NAV2: variants seen among roughly 807,000 people sequenced by gnomAD.
NAV2 encodes the protein helicase, APC down-regulated 1.
In NAV2, 54 loss-of-function variants were observed where a neutral mutation model predicts 223.2. That is an observed-to-expected ratio of 0.24 (90% CI 0.19 to 0.30). The LOEUF is 0.30. Ranked by LOEUF, NAV2 falls within the 10% of genes least tolerant of loss-of-function variation. NAV2 has a pLI of 1.00. For missense variants in NAV2, 2,806 were observed against 3,147.5 expected, an observed-to-expected ratio of 0.89 and a Z score of 2.60; for synonymous variants, 1,279 against 1,239.3, an observed-to-expected ratio of 1.03 and a Z score of -0.67.
intron 1 of NAV2, among the ~76,000 whole-genome samples, chr11:19,641,154 G>T (rs982635295): frequency 2.6e-5 from 4 of 152,190 alleles, no homozygotes; most frequent in Admixed American, 2.6e-4. Context: ...CCTGGGAGGG[G>T]CAGAGGTAAG....
chr11:19,522,961 T>A (rs1212016970), intron 1 of NAV2, among the ~76,000 whole-genome samples: 1 of 152,176 alleles, frequency 6.6e-6, no homozygotes, highest in Non-Finnish European at 1.5e-5. Flanking sequence ...AAAATGATCA[T>A]ATCATCCACA....
rs148534693 is a variant in NAV2, at chr11:19,984,349, C to T, written c.2768+102C>T. ...TTGGGAGAGTGAATGGAGACTTGAA[C>T]CCACAGAGAGGGAGGGGAGGCCTGG... On this transcript the variant is annotated intron_variant, in intron 11 of 37. Coordinates refer to ENST00000349880, the MANE Select transcript of NAV2 (RefSeq NM_145117.5). The T allele has an allele frequency of 3.2e-4, 491 of 1,546,648 alleles. 2 individuals carry two copies. The African/African-American group carries it at 6.0e-3, about 19-fold the overall frequency.
chr11:19,794,363 C>T (rs2057754458), intron 1 of NAV2, among the ~76,000 whole-genome samples: 1 of 152,182 alleles, frequency 6.6e-6, no homozygotes, highest in Non-Finnish European at 1.5e-5. Context: ...TTCTCACTTC[C>T]TCTCTGAGAG....
chr11:19,920,223 G>A (rs2044166241), intron 6 of NAV2, among the ~76,000 whole-genome samples: 1 of 152,184 alleles, frequency 6.6e-6, no homozygotes, highest in Non-Finnish European at 1.5e-5. Flanking sequence ...ATGTCTCTGA[G>A]CTGCAGTAAA....
intron 11 of NAV2, among the ~76,000 whole-genome samples, chr11:20,028,835 G>A (rs1257327426): frequency 1.3e-5 from 2 of 152,128 alleles, no homozygotes; most frequent in Non-Finnish European, 2.9e-5. Flanking sequence ...TAAATAGCAT[G>A]GTCTGGTTCA....
At chr11:19,519,805 G>A (rs893088254) in intron 1 of NAV2, 12 of 151,864 alleles carry the variant, frequency 7.9e-5, no homozygotes, top group East Asian at 3.9e-4. Context: ...GGCAAACTGC[G>A]TGATCACCAG....
At chr11:19,442,965 C>T (rs762674098) in intron 1 of NAV2, among the ~76,000 whole-genome samples, 10 of 152,110 alleles carry the variant, frequency 6.6e-5, no homozygotes, top group Non-Finnish European at 1.3e-4. Context: ...GATGCAGTCC[C>T]GCCCAAAGAG....
chr11:19,697,272 G>T (rs761210135), intron 1 of NAV2, among the ~76,000 whole-genome samples: 3 of 152,184 alleles, frequency 2.0e-5, no homozygotes, highest in African/African-American at 4.8e-5. Flanking sequence ...ACTAGGGATT[G>T]CTAGACAGGA....
intron 1 of NAV2, among the ~76,000 whole-genome samples, chr11:19,392,589 G>A (rs968755561): frequency 6.6e-6 from 1 of 152,154 alleles, no homozygotes; most frequent in Non-Finnish European, 1.5e-5. Context: ...GAGCAAGCCA[G>A]GCAGAAAATG....
At chr11:20,117,109 C>T (rs1355874873) in intron 37 of NAV2, among the ~76,000 whole-genome samples, 2 of 152,212 alleles carry the variant, frequency 1.3e-5, no homozygotes, top group African/African-American at 4.8e-5. Flanking sequence ...TGCCCAGCTG[C>T]ACCACATCTT....
At chr11:19,480,666 TG>T (rs2042250872) in intron 1 of NAV2, among the ~76,000 whole-genome samples, 1 of 152,260 alleles carries the variant, frequency 6.6e-6, no homozygotes, top group South Asian at 2.1e-4. Flanking sequence ...TCTGACATTA[TG>T]AGAATTGAAT....
At chr11:19,728,088 G>T (rs1297876436) in intron 1 of NAV2, among the ~76,000 whole-genome samples, 1 of 152,166 alleles carries the variant, frequency 6.6e-6, no homozygotes, top group Non-Finnish European at 1.5e-5. Context: ...CACCAAGAAG[G>T]TTTCTGTGTG....
At chr11:19,542,660 G>T (rs2044371990) in intron 1 of NAV2, among the ~76,000 whole-genome samples, 1 of 152,184 alleles carries the variant, frequency 6.6e-6, no homozygotes, top group South Asian at 2.1e-4. Context: ...TTCATCGAAG[G>T]TCATAAGCAG....
At chr11:20,089,645 A>C (rs2060689345) in intron 26 of NAV2, among the ~76,000 whole-genome samples, 1 of 152,208 alleles carries the variant, frequency 6.6e-6, no homozygotes, top group African/African-American at 2.4e-5. Flanking sequence ...TTCTGTCTTC[A>C]GTCCAAGAAA....
intron 1 of NAV2, among the ~76,000 whole-genome samples, chr11:19,504,128 A>C (rs2043045579): frequency 6.6e-6 from 1 of 152,216 alleles, no homozygotes; most frequent in Non-Finnish European, 1.5e-5. Flanking sequence ...CCATACATCT[A>C]TTATAATGGC....
rs1213095795 is a variant in NAV2, at chr11:20,048,975, TGG to T, written c.4153_4154del (p.Gly1385HisfsTer10). 6.2e-7 allele frequency: 1 copy of T among 1,614,132 alleles called. No individual in the cohort carries two copies. The highest frequency in any genetic ancestry group is 1.1e-5 in the South Asian group (1 of 91,078). On this transcript the variant is annotated frameshift_variant, in exon 15 of 38. Coordinates refer to ENST00000349880, the MANE Select transcript of NAV2 (RefSeq NM_145117.5). LOFTEE classifies it high-confidence loss of function. ...AHSAPSNSLT[W>X]GTNASSSSAV... The stretch of plus-strand genomic sequence containing the variant: ...CTCGGCCCCTTCCAACAGCCTCACC[TGG>T]GGCACCAACGCCAGCAGCTCCTCCG...
intron 1 of NAV2, among the ~76,000 whole-genome samples, chr11:19,676,268 G>T (rs1346300377): frequency 6.6e-6 from 1 of 152,200 alleles, no homozygotes; most frequent in South Asian, 2.1e-4. Flanking sequence ...ATGCACTGCA[G>T]TGTGGAGATC....
chr11:19,667,603 ATAGGTGCTTAT>A (rs2048451632), intron 1 of NAV2, among the ~76,000 whole-genome samples: 1 of 152,192 alleles, frequency 6.6e-6, no homozygotes, highest in African/African-American at 2.4e-5. Context: ...GAACATAATA[ATAGGTGCTTAT>A]TAGGAGCTTG....
chr11:19,608,564 C>T (rs1199833983), intron 1 of NAV2, among the ~76,000 whole-genome samples: 1 of 152,230 alleles, frequency 6.6e-6, no homozygotes, highest in Non-Finnish European at 1.5e-5. Flanking sequence ...CCTGTGTCAA[C>T]CATGATCTGG....
Sources: gnomAD v4.1 joint callset for allele counts (sites outside exome capture counted in the v4.1 genomes callset) on GRCh38, gnomAD v4.1.1 for gene constraint, MANE v1.5 for transcripts, NCBI Gene and HGNC (gene_info 2026-07-23, HGNC 2026-07-21) for gene names.